The following AKT2 variants were observed in gnomAD, a reference collection of about 807,000 sequenced individuals.
AKT2 encodes the protein RAC-beta serine/threonine-protein kinase.
In AKT2, 16 loss-of-function variants were observed where a neutral mutation model predicts 58.6. The ratio of observed to expected loss-of-function variants is 0.27; its 90% CI spans 0.18 to 0.41. The LOEUF is 0.41. Ranked by LOEUF, AKT2 falls within the 10% of genes least tolerant of loss-of-function variation. The probability of loss-of-function intolerance (pLI) is 1.00; values close to 1 mark genes in which losing one functional copy is unlikely to be tolerated. For synonymous variants in AKT2, 253 were observed against 254.0 expected (o/e 1.00, Z 0.04); for missense variants, 438 against 661.0 (o/e 0.66, Z 3.70).
chr19:40,267,843 T>C (rs80192144), intron 1 of AKT2, among the ~76,000 whole-genome samples: 1 of 151,994 alleles, frequency 6.6e-6, no homozygotes, highest in Non-Finnish European at 1.5e-5. Flanking sequence ...TACACGAATA[T>C]GCAAATAATC....
At chr19:40,280,175 C>G (rs186730083) in intron 1 of AKT2, among the ~76,000 whole-genome samples, 1 of 152,350 alleles carries the variant, frequency 6.6e-6, no homozygotes, top group Admixed American at 6.5e-5. Context: ...CCCACGGCAG[C>G]GTGGACGCAG....
At chr19:40,270,956 T>C (rs1300397504) in intron 1 of AKT2, among the ~76,000 whole-genome samples, 1 of 151,410 alleles carries the variant, frequency 6.6e-6, no homozygotes. Flanking sequence ...GAGGCTGCAG[T>C]GAGCTATGAC....
intron 1 of AKT2, chr19:40,266,350 G>C (rs1224500618): frequency 1.3e-5 from 2 of 152,276 alleles, no homozygotes; most frequent in South Asian, 4.1e-4. Flanking sequence ...ATGGGCATCA[G>C]CTTTCTCTCG....
At chr19:40,241,623 C>A (rs1599978377) in intron 6 of AKT2, 1 of 423,856 alleles carries the variant, frequency 2.4e-6, no homozygotes, top group East Asian at 4.9e-5. Context: ...CTGAGCAAAG[C>A]CCGGGACTCC....
Position 40,234,293 on chromosome 19 carries a change from C to T in AKT2, c.1367-342G>A, listed in dbSNP as rs1973875635. Among the ~76,000 whole-genome samples, 1 of 152,138 alleles carries T rather than the reference C, an allele frequency of 6.6e-6. No homozygotes were observed. The highest frequency in any genetic ancestry group is 6.5e-5 in the Admixed American group (1 of 15,282). ...CTCTCGCACCCTCCCATCCATTCTC[C>T]ACGGGCAGCCAGGGGGGCTTTCTAA... On this transcript the variant is annotated intron_variant, in intron 13 of 13. Transcript: ENST00000392038. This position sits in a 1 kb window ranked among gnomAD's most constrained non-coding sequence, Gnocchi z 4.7.
At position 40,235,564 on chromosome 19, in the gene AKT2, C is replaced by G; in HGVS notation, c.1176-214G>C. 1.6e-6 allele frequency: 1 copy of G among 644,636 alleles called. No individual in the cohort carries two copies. The highest frequency in any genetic ancestry group is 2.7e-5 in the East Asian group (1 of 36,688). The allele number at this position is 644,636 out of a possible 1,614,324, so 39.9% of individuals were successfully genotyped here. A position where few individuals can be genotyped will look rare whatever the true frequency, so the allele number is the denominator to read the frequency against. Reference sequence around the variant, plus strand: ...ACCCGGACCCACGTGTCCTCACTGCCTGGCCTTACCCTGAGTCCAGAAAGG... The same window carrying G: ...ACCCGGACCCACGTGTCCTCACTGCGTGGCCTTACCCTGAGTCCAGAAAGG... On this transcript the variant is annotated intron_variant, in intron 11 of 13. Coordinates refer to ENST00000392038, the MANE Select transcript of AKT2 (RefSeq NM_001626.6). The surrounding 1 kb of genome is among the most constrained non-coding windows in gnomAD (Gnocchi z 6.3).
chr19:40,236,378 T>C lies in AKT2; in HGVS notation c.839A>G (p.Asn280Ser). The change falls in exon 10 of 14, where the codon AAC becomes AGC. Residue 280 changes from asparagine to serine, a missense_variant. Asn to Ser is a conservative substitution (Grantham distance 46). This residue lies in a region of AKT2 where 46 missense variants were observed against 114.5 expected (regional missense o/e 0.40). Coordinates refer to ENST00000392038, the MANE Select transcript of AKT2 (RefSeq NM_001626.6). ...GTGGCCATCTTTGTCCAGCATGAGG[T>C]TTTCCAGCTGTTGGAAAAGTCAACG... ...DVVYRDIKLENLMLDKDGHIK... is the reference protein window; with the variant it reads ...DVVYRDIKLESLMLDKDGHIK... The C allele has an allele frequency of 6.2e-7, 1 of 1,613,932 alleles. No homozygotes were observed. Among genetic ancestry groups the C allele is most frequent in the Non-Finnish European group, 8.5e-7 (1 of 1,180,000 alleles).
chr19:40,246,088 CAAAAAAAAAA>C (rs34293653), intron 4 of AKT2, among the ~76,000 whole-genome samples: 1 of 87,092 alleles, frequency 1.1e-5, no homozygotes, highest in Non-Finnish European at 2.5e-5. Flanking sequence ...TCCTGTTTTT[CAAAAAAAAAA>C]AAAAAAAAAA....
At chr19:40,278,660 C>A (rs925679203) in intron 1 of AKT2, among the ~76,000 whole-genome samples, 3 of 152,096 alleles carry the variant, frequency 2.0e-5, no homozygotes, top group Non-Finnish European at 4.4e-5. Flanking sequence ...CACTGCCCTG[C>A]AGAGCCCCTT....
intron 2 of AKT2, 38 bp from the exon 3 acceptor site, chr19:40,257,092 C>T (rs1376118364): frequency 6.2e-7 from 1 of 1,612,432 alleles, no homozygotes; most frequent in South Asian, 1.1e-5. Context: ...GAGGTTAGGA[C>T]AAGGTTGAGT....
chr19:40,265,844 A>G (rs1976311098), intron 1 of AKT2, among the ~76,000 whole-genome samples: 1 of 151,790 alleles, frequency 6.6e-6, no homozygotes, highest in Non-Finnish European at 1.5e-5. Context: ...TTCTTTCCAA[A>G]CCAGGAAGCC....
intron 1 of AKT2, among the ~76,000 whole-genome samples, chr19:40,272,334 G>A (rs568755535): frequency 2.0e-5 from 3 of 152,290 alleles, no homozygotes; most frequent in South Asian, 2.1e-4. Context: ...AGACAGCAGC[G>A]CTTTCATCAC....
In AKT2 at chr19:40,234,628, C is replaced by T. The variant is rs1370279166; in HGVS notation, c.1366+417G>A. 5.7e-6 allele frequency: 3 copies of T among 527,498 alleles called. No individual in the cohort carries two copies. Among genetic ancestry groups the T allele is most frequent in the South Asian group, 2.9e-5 (1 of 34,060 alleles). The allele number at this position is 527,498 out of a possible 1,614,324, so 32.7% of individuals were successfully genotyped here. On this transcript the variant is annotated intron_variant, in intron 13 of 13. Transcript: ENST00000392038. This position sits in a 1 kb window ranked among gnomAD's most constrained non-coding sequence, Gnocchi z 4.7. The stretch of plus-strand genomic sequence containing the variant: ...TTCCCCAGTCCCTGGCCTCCCACGC[C>T]CTAGCCCTGACCACTCCAGGCCGCC...
At position 40,277,545 on chromosome 19, in the gene AKT2, C is replaced by T. The variant is rs1371691316; in HGVS notation, c.-85+7636G>A. Among the ~76,000 whole-genome samples, 3 of 152,300 alleles carry T rather than the reference C, an allele frequency of 2.0e-5. No homozygotes were observed. The East Asian group carries it at 5.8e-4, about 29-fold the overall frequency. ...CCCTGGATCCCCATCATAGCCCAGG[C>T]CCTGAGCCCTGCCACCCTGCTCTCT... On this transcript the variant is annotated intron_variant, in intron 1 of 13. Coordinates refer to ENST00000392038, the MANE Select transcript of AKT2 (RefSeq NM_001626.6).
chr19:40,274,799 A>G, intron 1 of AKT2: 1 of 338,690 alleles, frequency 3.0e-6, no homozygotes, highest in Non-Finnish European at 5.9e-6. Flanking sequence ...AGCTAGAGGA[A>G]GCTGGGGACC....
intron 1 of AKT2, among the ~76,000 whole-genome samples, chr19:40,281,849 T>C (rs374833813): frequency 1.3e-5 from 2 of 152,248 alleles, no homozygotes; most frequent in Admixed American, 6.5e-5. Flanking sequence ...GGTAGGCTTA[T>C]TGTATGCCAG....
Position 40,233,425 on chromosome 19 carries a change from C to T in AKT2, c.*447G>A. On this transcript the variant is annotated 3_prime_UTR_variant, in exon 14 of 14. Coordinates refer to ENST00000392038, the MANE Select transcript of AKT2 (RefSeq NM_001626.6). This position sits in a 1 kb window ranked among gnomAD's most constrained non-coding sequence, Gnocchi z 4.3. ...CGTGCCTGGCCACTCCGAGCCTAGG[C>T]CACGGGGCCTGGAAGGCAGCACCAC... 2.1e-6 allele frequency: 1 copy of T among 486,806 alleles called. No individual in the cohort carries two copies. The highest frequency in any genetic ancestry group is 3.9e-6 in the Non-Finnish European group (1 of 256,254). The allele number at this position is 486,806 out of a possible 1,614,324, so 30.2% of individuals were successfully genotyped here.
intron 4 of AKT2, among the ~76,000 whole-genome samples, chr19:40,245,692 G>C (rs1974705253): frequency 6.6e-6 from 1 of 152,178 alleles, no homozygotes; most frequent in South Asian, 2.1e-4. Context: ...CTTGGTAGCT[G>C]GAATTACAAA....
chr19:40,262,853 AACC>A (rs1976061404), intron 2 of AKT2, among the ~76,000 whole-genome samples: 2 of 152,230 alleles, frequency 1.3e-5, no homozygotes, highest in Admixed American at 1.3e-4. Flanking sequence ...CCATTATTTT[AACC>A]ACCAAGGGGG....
Sources: allele counts gnomAD v4.1 joint callset (sites outside exome capture counted in the v4.1 genomes callset), GRCh38; gene constraint gnomAD v4.1.1; regional missense constraint gnomAD v4.1.1; non-coding constraint Gnocchi (gnomAD v3.1); transcripts MANE v1.5; gene names NCBI Gene and HGNC (gene_info 2026-07-23, HGNC 2026-07-21).